The following PKHD1 variants were observed in gnomAD, a reference collection of about 807,000 sequenced individuals.
PKHD1 encodes the protein PKHD1 ciliary IPT domain containing fibrocystin/polyductin.
A neutral mutation model predicts 412.0 loss-of-function variants in PKHD1; 291 were observed. That is an observed-to-expected ratio of 0.71 (90% confidence interval 0.64 to 0.78). The LOEUF is 0.78. Among genes scored for constraint, PKHD1 ranks in the 30% least tolerant of loss-of-function variants. The pLI is 0.00. For synonymous variants in PKHD1, 1,777 were observed against 1,821.5 expected (o/e 0.98, Z 0.62); for missense variants, 4,825 against 4,950.7 (o/e 0.97, Z 0.76).
chr6:52,017,948 C>T (rs566068235), intron 33 of PKHD1, among the ~76,000 whole-genome samples: 2 of 152,168 alleles, frequency 1.3e-5, no homozygotes, highest in African/African-American at 4.8e-5. Flanking sequence ...TCAGAAATAA[C>T]CACTTGGCAT....
rs76219321 is a variant in PKHD1 at position 52,065,184 on chromosome 6, G to C, written c.881-134C>G. ...ATATATATATAGAGAGAGAGAGAGA[G>C]AGAGAGAGAGAGACAGAGAGAGAGA... is the stretch of plus-strand genomic sequence containing the variant. On this transcript the variant is annotated intron_variant, in intron 12 of 66. Coordinates refer to ENST00000371117, the MANE Select transcript of PKHD1 (RefSeq NM_138694.4). 224 of 119,292 alleles carry C rather than the reference G, an allele frequency of 1.9e-3. 1 individual carries two copies. Among genetic ancestry groups the C allele is most frequent in the Middle Eastern group, 3.8e-3 (1 of 262 alleles). The allele number at this position is 119,292 out of a possible 1,614,324, so 7.4% of individuals were successfully genotyped here.
rs1770537543 is a variant in PKHD1, at chr6:51,649,196, C to T, written c.11199G>A (p.Gly3733=). 1 of 1,611,436 alleles carries T rather than the reference C, an allele frequency of 6.2e-7. No homozygotes were observed. Among genetic ancestry groups the T allele is most frequent in the Non-Finnish European group, 8.5e-7 (1 of 1,177,708 alleles). ...CATAGGGCCGAATATATATCAAGTT[C>T]CCAGTTTTAAAACTGCTTGTATTTC... ...GYGNTSSFKT[G]NLIYIRPYAL... is the part of the protein sequence containing the mutation. Residue 3733 remains glycine (G), a synonymous_variant, in exon 62 of 67, where the codon GGG becomes GGA. Coordinates refer to ENST00000371117, the MANE Select transcript of PKHD1 (RefSeq NM_138694.4).
chr6:51,894,589 A>G (rs1356778821), intron 43 of PKHD1, among the ~76,000 whole-genome samples: 2 of 152,360 alleles, frequency 1.3e-5, no homozygotes, highest in Middle Eastern at 3.4e-3. Flanking sequence ...CATCAGGGCA[A>G]TTTGAGAATA....
At chr6:51,684,105 C>A (rs1777096294) in intron 60 of PKHD1, among the ~76,000 whole-genome samples, 1 of 152,058 alleles carries the variant, frequency 6.6e-6, no homozygotes, top group Admixed American at 6.6e-5. Context: ...ACCAACAGTT[C>A]TTATTTTATT....
In PKHD1 at chr6:52,042,516, AC is replaced by A. The variant is rs1217303424; in HGVS notation, c.3097+342del. Among the ~76,000 whole-genome samples, 17 of 152,134 alleles carry A rather than the reference AC, an allele frequency of 1.1e-4. No homozygotes were observed. In the East Asian group the frequency reaches 3.1e-3, roughly 28 times the overall value. On this transcript the variant is annotated intron_variant, in intron 27 of 66. Transcript: ENST00000371117. ...TAAGGCTATGTTGACAAGACCCACC[AC>A]CCTCTGTATTGCCCACTACTCAAAT... is the stretch of plus-strand genomic sequence containing the variant.
intron 21 of PKHD1, among the ~76,000 whole-genome samples, chr6:52,052,449 A>G (rs1362220811): frequency 2.6e-5 from 4 of 152,198 alleles, no homozygotes; most frequent in Non-Finnish European, 5.9e-5. Flanking sequence ...AATAATGAGT[A>G]GGAAGAGTCT....
chr6:52,075,803 TC>T (rs1811250881), intron 6 of PKHD1, among the ~76,000 whole-genome samples: 1 of 152,170 alleles, frequency 6.6e-6, no homozygotes, highest in Non-Finnish European at 1.5e-5. Flanking sequence ...TATATGACTT[TC>T]GGCAAATTTC....
chr6:51,624,400 G>A (rs1381996202), intron 66 of PKHD1, among the ~76,000 whole-genome samples: 3 of 152,088 alleles, frequency 2.0e-5, no homozygotes, highest in Non-Finnish European at 2.9e-5. Flanking sequence ...GAGAACTTGA[G>A]ACAATTTCTA....
At chr6:51,655,862 A>G (rs548778443) in intron 61 of PKHD1, among the ~76,000 whole-genome samples, 35 of 152,300 alleles carry the variant, frequency 2.3e-4, no homozygotes, top group Middle Eastern at 3.4e-3. Context: ...GCCTGTGGAG[A>G]AATAGGAACA....
chr6:51,976,055 A>G (rs1794400380), intron 35 of PKHD1: 2 of 151,602 alleles, frequency 1.3e-5, no homozygotes, highest in Non-Finnish European at 1.5e-5. Flanking sequence ...TATTGCTGGT[A>G]GAAATGTAAA....
At chr6:51,746,389 A>T (rs1785199213) in intron 59 of PKHD1, among the ~76,000 whole-genome samples, 1 of 152,228 alleles carries the variant, frequency 6.6e-6, no homozygotes, top group African/African-American at 2.4e-5. Context: ...CTCTCTAATT[A>T]AGACAAAACA....
intron 60 of PKHD1, among the ~76,000 whole-genome samples, chr6:51,722,629 G>A (rs1782066803): frequency 6.6e-6 from 1 of 152,148 alleles, no homozygotes; most frequent in African/African-American, 2.4e-5. Context: ...TGGAATAGTA[G>A]TAACTATTAC....
chr6:52,080,797 T>C (rs1228496759), intron 4 of PKHD1, among the ~76,000 whole-genome samples: 1 of 152,224 alleles, frequency 6.6e-6, no homozygotes, highest in East Asian at 1.9e-4. Context: ...AAGTATCTCA[T>C]TATTAATTTA....
chr6:51,745,826 G>A (rs1785123333), intron 59 of PKHD1, among the ~76,000 whole-genome samples: 2 of 152,212 alleles, frequency 1.3e-5, no homozygotes, highest in Admixed American at 1.3e-4. Flanking sequence ...GATAAGACAT[G>A]AACATAAGGA....
intron 36 of PKHD1, among the ~76,000 whole-genome samples, chr6:51,952,590 A>G (rs1188503710): frequency 6.6e-6 from 1 of 152,290 alleles, no homozygotes; most frequent in East Asian, 1.9e-4. Flanking sequence ...AATAATTAAT[A>G]TAAAAATAAT....
chr6:51,634,686 G>C (rs976133562), intron 64 of PKHD1, among the ~76,000 whole-genome samples: 1 of 152,096 alleles, frequency 6.6e-6, no homozygotes, highest in Non-Finnish European at 1.5e-5. Flanking sequence ...GATATGATTC[G>C]GGAAAGCATC....
intron 35 of PKHD1, among the ~76,000 whole-genome samples, chr6:51,965,361 G>C (rs1405834119): frequency 6.6e-6 from 1 of 151,970 alleles, no homozygotes; most frequent in Non-Finnish European, 1.5e-5. Flanking sequence ...TTTTTAATCT[G>C]GACACAACAG....
At chr6:52,070,610 AC>A (rs1810469713) in intron 9 of PKHD1, among the ~76,000 whole-genome samples, 165 bp from the exon 10 acceptor site, 1 of 152,022 alleles carries the variant, frequency 6.6e-6, no homozygotes, top group East Asian at 1.9e-4. Flanking sequence ...AAACAAAAAA[AC>A]AAAAACAAAA....
chr6:51,696,423 C>T (rs1181600611), intron 60 of PKHD1, among the ~76,000 whole-genome samples: 1 of 152,110 alleles, frequency 6.6e-6, no homozygotes, highest in Admixed American at 6.5e-5. Flanking sequence ...GAATATCACC[C>T]AACTAAGCAA....
Sources: gnomAD v4.1 joint callset for allele counts (sites outside exome capture counted in the v4.1 genomes callset) on GRCh38, gnomAD v4.1.1 for gene constraint, MANE v1.5 for transcripts, NCBI Gene and HGNC (gene_info 2026-07-23, HGNC 2026-07-21) for gene names.